Variants in SRGAP3 observed in about 807,000 individuals in gnomAD.
SRGAP3 encodes SLIT-ROBO Rho GTPase-activating protein 3.
Under a neutral mutation model 121.1 loss-of-function variants are expected in SRGAP3, and 39 were observed. The ratio of observed to expected loss-of-function variants is 0.32; its 90% CI spans 0.25 to 0.42. The LOEUF (loss-of-function observed/expected upper bound fraction) is 0.42. Ranked by LOEUF, SRGAP3 falls within the 10% of genes least tolerant of loss-of-function variation. The pLI is 1.00. For missense variants in SRGAP3, 1,213 were observed against 1,470.6 expected, an observed-to-expected ratio of 0.82 and a Z score of 2.86; for synonymous variants, 601 against 570.0, an observed-to-expected ratio of 1.05 and a Z score of -0.77.
chr3:9,106,708 G>A (rs1287566156), intron 2 of SRGAP3, among the ~76,000 whole-genome samples: 2 of 152,060 alleles, frequency 1.3e-5, no homozygotes, highest in South Asian at 4.2e-4. Flanking sequence ...TATAAGAAGT[G>A]CCTTTCACCT....
intron 1 of SRGAP3, among the ~76,000 whole-genome samples, chr3:9,225,859 T>A (rs1300520280): frequency 6.6e-6 from 1 of 152,186 alleles, no homozygotes; most frequent in African/African-American, 2.4e-5. Flanking sequence ...TCGGTGCTCA[T>A]CCCCAGAACA....
rs1243479489 is a variant in SRGAP3 at position 9,124,916 on chromosome 3, C to T, written c.69G>A (p.Glu23=). Residue 23 remains glutamate, a splice_region_variant and synonymous_variant, in exon 2 of 22, where the codon GAG becomes GAA. Coordinates refer to ENST00000383836, the MANE Select transcript of SRGAP3 (RefSeq NM_014850.4). ...IIAEYEAQIK[E]IRTQLVEQFK... ...ACTGCTCCACCAGCTGCGTGCGGAT[C>T]TCTGCGGGCACACAAGGGTAGGAGC... 6.2e-7 allele frequency: 1 copy of T among 1,613,972 alleles called. No individual in the cohort carries two copies. Among genetic ancestry groups the T allele is most frequent in the African/African-American group, 1.3e-5 (1 of 74,946 alleles).
chr3:9,048,440 C>T (rs930630495), intron 9 of SRGAP3, among the ~76,000 whole-genome samples: 15 of 152,198 alleles, frequency 9.9e-5, no homozygotes, highest in African/African-American at 2.7e-4. Context: ...TTGAAGCTTA[C>T]GTGGTGGGCT....
At chr3:9,198,493 C>G (rs1951976410) in intron 1 of SRGAP3, among the ~76,000 whole-genome samples, 1 of 152,226 alleles carries the variant, frequency 6.6e-6, no homozygotes. Flanking sequence ...ATCTACCTAG[C>G]ATTCAGTAGC....
chr3:9,153,260 CAATAAT>C (rs1027695765), intron 1 of SRGAP3, among the ~76,000 whole-genome samples: 14 of 152,196 alleles, frequency 9.2e-5, no homozygotes, highest in African/African-American at 2.6e-4. Flanking sequence ...CAAATAATAA[CAATAAT>C]AATAATAGGT....
intron 5 of SRGAP3, among the ~76,000 whole-genome samples, chr3:9,061,548 C>T (rs1946174276): frequency 6.6e-6 from 1 of 152,196 alleles, no homozygotes; most frequent in Non-Finnish European, 1.5e-5. Context: ...TCTTAATAAG[C>T]ACTTCCACCA....
At chr3:9,276,230 T>C (rs1954573757) in intron 3 of SRGAP3, among the ~76,000 whole-genome samples, 1 of 152,162 alleles carries the variant, frequency 6.6e-6, no homozygotes, top group African/African-American at 2.4e-5. Context: ...AATGGGTTCC[T>C]GGCTTAACAG....
chr3:8,987,137 G>T (rs1192322935), intron 21 of SRGAP3, among the ~76,000 whole-genome samples: 1 of 152,246 alleles, frequency 6.6e-6, no homozygotes, highest in Non-Finnish European at 1.5e-5. Context: ...TGAATATGGG[G>T]TGAGATAATG....
intron 1 of SRGAP3, among the ~76,000 whole-genome samples, chr3:9,198,391 T>G (rs1313818552): frequency 6.6e-6 from 1 of 152,224 alleles, no homozygotes; most frequent in East Asian, 1.9e-4. Context: ...CATGCAGTGA[T>G]GAGGAAGACT....
chr3:9,302,909 A>G (rs1409086958), intron 3 of SRGAP3, among the ~76,000 whole-genome samples: 1 of 152,152 alleles, frequency 6.6e-6, no homozygotes, highest in Non-Finnish European at 1.5e-5. Context: ...GAAGAATGGC[A>G]ACGAAGATAA....
intron 1 of SRGAP3, among the ~76,000 whole-genome samples, chr3:9,163,004 C>T (rs1264344793): frequency 6.6e-6 from 1 of 152,234 alleles, no homozygotes; most frequent in African/African-American, 2.4e-5. Flanking sequence ...CTGTGCTTCA[C>T]TTTCTGCATC....
At chr3:9,144,817 A>G (rs1260583991) in intron 1 of SRGAP3, among the ~76,000 whole-genome samples, 1 of 152,174 alleles carries the variant, frequency 6.6e-6, no homozygotes, top group Non-Finnish European at 1.5e-5. Flanking sequence ...TCTAACTCCT[A>G]TTTATCTCAA....
intron 3 of SRGAP3, among the ~76,000 whole-genome samples, chr3:9,085,878 A>T (rs1947446329): frequency 6.6e-6 from 1 of 152,200 alleles, no homozygotes; most frequent in African/African-American, 2.4e-5. Context: ...AAAAACCTAG[A>T]TGATAAAATA....
intron 20 of SRGAP3, chr3:8,992,617 C>G: frequency 1.9e-6 from 1 of 513,598 alleles, no homozygotes; most frequent in Non-Finnish European, 3.5e-6. Flanking sequence ...AGGAAAAATA[C>G]TTGCCAATTT....
At chr3:9,270,014 T>C (rs1954442341) in intron 3 of SRGAP3, among the ~76,000 whole-genome samples, 1 of 152,124 alleles carries the variant, frequency 6.6e-6, no homozygotes, top group Admixed American at 6.5e-5. Context: ...ACCACATGGC[T>C]AGTCTACACC....
intron 3 of SRGAP3, among the ~76,000 whole-genome samples, chr3:9,295,051 G>T (rs1954930087): frequency 6.6e-6 from 1 of 152,026 alleles, no homozygotes; most frequent in Non-Finnish European, 1.5e-5. Flanking sequence ...GTGAGGTTTG[G>T]GGTTGTTGTT....
intron 3 of SRGAP3, among the ~76,000 whole-genome samples, chr3:9,281,072 A>C (rs896530954): frequency 3.3e-5 from 5 of 152,106 alleles, no homozygotes; most frequent in African/African-American, 9.7e-5. Flanking sequence ...CTGGATTGCT[A>C]TCTCGCCTCT....
intron 1 of SRGAP3, among the ~76,000 whole-genome samples, chr3:9,130,316 C>T (rs964002836): frequency 1.1e-4 from 17 of 152,172 alleles, no homozygotes; most frequent in African/African-American, 3.1e-4. Flanking sequence ...GGTCACACGT[C>T]GTTCTCTGAA....
intron 1 of SRGAP3, among the ~76,000 whole-genome samples, chr3:9,163,867 G>C (rs1287725953): frequency 6.6e-6 from 1 of 151,996 alleles, no homozygotes; most frequent in African/African-American, 2.4e-5. Flanking sequence ...ACTCCTTGCA[G>C]ATGAGGAAGT....
Sources: allele counts gnomAD v4.1 joint callset (sites outside exome capture counted in the v4.1 genomes callset), GRCh38; gene constraint gnomAD v4.1.1; transcripts MANE v1.5; gene names NCBI Gene and HGNC (gene_info 2026-07-23, HGNC 2026-07-21).